Variants in TMEM132D observed in about 807,000 individuals in gnomAD.
TMEM132D encodes the protein mature OL transmembrane protein.
Under a neutral mutation model 62.3 loss-of-function variants are expected in TMEM132D, and 21 were observed. The ratio of observed to expected loss-of-function variants is 0.34; its 90% CI spans 0.24 to 0.49. The LOEUF is 0.49. Among genes scored for constraint, TMEM132D ranks in the 20% least tolerant of loss-of-function variants. TMEM132D has a pLI of 0.99. For missense variants in TMEM132D, 1,346 were observed against 1,402.8 expected, an observed-to-expected ratio of 0.96 and a Z score of 0.65; for synonymous variants, 621 against 575.6, an observed-to-expected ratio of 1.08 and a Z score of -1.13.
chr12:129,832,978 C>A (rs1341029684), intron 1 of TMEM132D, among the ~76,000 whole-genome samples: 1 of 152,212 alleles, frequency 6.6e-6, no homozygotes, highest in African/African-American at 2.4e-5. Flanking sequence ...GCTGGTCACT[C>A]TCAGAAAGTC....
At chr12:129,309,329 T>C (rs564969265) in intron 4 of TMEM132D, among the ~76,000 whole-genome samples, 1 of 152,328 alleles carries the variant, frequency 6.6e-6, no homozygotes, top group South Asian at 2.1e-4. Flanking sequence ...GAAGGCATAG[T>C]CCAATTATCT....
chr12:129,541,239 C>T (rs183589860), intron 2 of TMEM132D, among the ~76,000 whole-genome samples: 6 of 152,248 alleles, frequency 3.9e-5, no homozygotes, highest in East Asian at 1.9e-4. Context: ...AAGGGAAATA[C>T]GTAGACATAC....
At chr12:129,539,778 A>T (rs1181311207) in intron 2 of TMEM132D, among the ~76,000 whole-genome samples, 1 of 152,150 alleles carries the variant, frequency 6.6e-6, no homozygotes, top group African/African-American at 2.4e-5. Context: ...ATACTACTGT[A>T]TATTAAACAT....
intron 3 of TMEM132D, among the ~76,000 whole-genome samples, chr12:129,370,657 T>A (rs774915003): frequency 1.3e-5 from 2 of 152,216 alleles, no homozygotes; most frequent in Non-Finnish European, 2.9e-5. Context: ...GATAAATGGA[T>A]AAACAGATGT....
intron 5 of TMEM132D, among the ~76,000 whole-genome samples, chr12:129,136,705 T>C (rs1353395164): frequency 1.3e-5 from 2 of 151,242 alleles, no homozygotes; most frequent in Non-Finnish European, 2.9e-5. Flanking sequence ...ATCACCATCA[T>C]TAATATCATC....
At chr12:129,122,714 G>T (rs1876103057) in intron 5 of TMEM132D, among the ~76,000 whole-genome samples, 1 of 152,156 alleles carries the variant, frequency 6.6e-6, no homozygotes, top group East Asian at 1.9e-4. Flanking sequence ...AAATTTACTT[G>T]ATAATGGAGT....
At chr12:129,835,375 C>T (rs1410810771) in intron 1 of TMEM132D, among the ~76,000 whole-genome samples, 5 of 152,078 alleles carry the variant, frequency 3.3e-5, no homozygotes, top group Non-Finnish European at 5.9e-5. Context: ...ACTGAAGCTT[C>T]GACCTCCTAG....
At chr12:129,803,490 A>G (rs1378171265) in intron 1 of TMEM132D, among the ~76,000 whole-genome samples, 3 of 152,066 alleles carry the variant, frequency 2.0e-5, no homozygotes, top group Non-Finnish European at 4.4e-5. Flanking sequence ...TTTGAAACCA[A>G]CGAGAAGAAA....
intron 8 of TMEM132D, among the ~76,000 whole-genome samples, chr12:129,076,877 G>T (rs778184844): frequency 2.0e-5 from 3 of 152,116 alleles, no homozygotes; most frequent in Non-Finnish European, 4.4e-5. Context: ...CTGGTGGTCC[G>T]CTGATGTTAT....
chr12:129,810,761 G>A (rs116495316), intron 1 of TMEM132D, among the ~76,000 whole-genome samples: 1,637 of 152,194 alleles, frequency 0.011, 26 homozygotes, highest in African/African-American at 0.037. Context: ...ATCTTTCAAC[G>A]CGTTAATAGG....
At chr12:129,348,090 C>G (rs1285219097) in intron 3 of TMEM132D, among the ~76,000 whole-genome samples, 1 of 152,160 alleles carries the variant, frequency 6.6e-6, no homozygotes, top group Non-Finnish European at 1.5e-5. Flanking sequence ...AATAGGCACA[C>G]TTTTACACTG....
At chr12:129,118,144 A>G (rs1348582020) in intron 5 of TMEM132D, among the ~76,000 whole-genome samples, 2 of 152,242 alleles carry the variant, frequency 1.3e-5, no homozygotes, top group African/African-American at 2.4e-5. Context: ...CTAAAAATAC[A>G]GCTCAGAAAT....
chr12:129,803,392 A>C (rs1871864379), intron 1 of TMEM132D, among the ~76,000 whole-genome samples: 1 of 152,108 alleles, frequency 6.6e-6, no homozygotes, highest in South Asian at 2.1e-4. Flanking sequence ...AACTCACTCA[A>C]AACTGCACAA....
chr12:129,887,619 T>C (rs546225824), intron 1 of TMEM132D, among the ~76,000 whole-genome samples: 1 of 152,270 alleles, frequency 6.6e-6, no homozygotes, highest in East Asian at 1.9e-4. Flanking sequence ...ATAATAATAA[T>C]AGTTTCCTTT....
chr12:129,534,554 G>A (rs370671929), intron 2 of TMEM132D, among the ~76,000 whole-genome samples: 73 of 152,148 alleles, frequency 4.8e-4, no homozygotes, highest in African/African-American at 1.5e-3. Flanking sequence ...AATGTGGTGC[G>A]CAATTGTTGC....
At chr12:129,183,162 C>G (rs1878114401) in intron 5 of TMEM132D, among the ~76,000 whole-genome samples, 1 of 152,216 alleles carries the variant, frequency 6.6e-6, no homozygotes, top group African/African-American at 2.4e-5. Context: ...TGGCCAAGAC[C>G]AGGGTCAATA....
intron 3 of TMEM132D, among the ~76,000 whole-genome samples, chr12:129,525,230 T>TTTG (rs1566098214): frequency 4.5e-5 from 5 of 110,234 alleles, no homozygotes; most frequent in Non-Finnish European, 7.3e-5. Context: ...CAGCCGGTTT[T>TTTG]TTTTTTTTTT....
At chr12:129,109,233 G>A (rs1419170095) in intron 5 of TMEM132D, among the ~76,000 whole-genome samples, 1 of 152,166 alleles carries the variant, frequency 6.6e-6, no homozygotes, top group Non-Finnish European at 1.5e-5. Context: ...ATAAAGGTGA[G>A]GCATTGCTAG....
chr12:129,880,748 G>A (rs1874564599), intron 1 of TMEM132D, among the ~76,000 whole-genome samples: 1 of 150,128 alleles, frequency 6.7e-6, no homozygotes, highest in South Asian at 2.1e-4. Flanking sequence ...CCCATTAGTA[G>A]AGATAAAATA....
Sources: allele counts gnomAD v4.1 joint callset (sites outside exome capture counted in the v4.1 genomes callset), GRCh38; gene constraint gnomAD v4.1.1; transcripts MANE v1.5; gene names NCBI Gene and HGNC (gene_info 2026-07-23, HGNC 2026-07-21).